Variants in POLR2F observed in about 807,000 individuals in gnomAD.
POLR2F encodes the protein RNA polymerase II, I and III subunit F.
A neutral mutation model predicts 22.7 loss-of-function variants in POLR2F; 12 were observed. The ratio of observed to expected loss-of-function variants is 0.53; its 90% CI spans 0.34 to 0.86. POLR2F has a LOEUF of 0.86. Among genes scored for constraint, POLR2F ranks in the 40% least tolerant of loss-of-function variants. The pLI, the probability that POLR2F is intolerant of heterozygous loss-of-function variation, is 0.02. For synonymous variants in POLR2F, 57 were observed against 66.0 expected (o/e 0.86, Z 0.66); for missense variants, 126 against 171.5 (o/e 0.73, Z 1.48).
chr22:37,956,997 AGCAGAACAGCCCT>A, intron 2 of POLR2F, 155 bp downstream of exon 2: 1 of 694,204 alleles, frequency 1.4e-6, no homozygotes, highest in Admixed American at 2.1e-5. Context: ...AGTCTTGCAT[AGCAGAACAGCCCT>A]GCAGGGTGGG....
At chr22:37,959,248 G>T in intron 2 of POLR2F, 98 bp from the exon 3 acceptor site, 1 of 1,258,574 alleles carries the variant, frequency 7.9e-7, no homozygotes, top group South Asian at 1.3e-5. Flanking sequence ...AGCATTAACG[G>T]TGGCTGTAGC....
chr22:37,972,087 G>T (rs965823335), downstream of POLR2F: 2 of 335,664 alleles, frequency 6.0e-6, no homozygotes, highest in Non-Finnish European at 1.1e-5. Context: ...AGGAGAGGGG[G>T]AGGGGGGAGA....
intron 3 of POLR2F, among the ~76,000 whole-genome samples, chr22:37,959,828 G>C (rs1417266157): frequency 2.1e-5 from 3 of 142,104 alleles, no homozygotes; most frequent in Non-Finnish European, 4.5e-5. Context: ...TTTTGAGATA[G>C]AGTCTCGCTG....
intron 4 of POLR2F, among the ~76,000 whole-genome samples, chr22:37,976,387 C>T (rs900478910): frequency 1.3e-5 from 2 of 152,176 alleles, no homozygotes; most frequent in Non-Finnish European, 2.9e-5. Context: ...TTAATTCACT[C>T]GTTTTCATCC....
intron 1 of POLR2F, among the ~76,000 whole-genome samples, chr22:38,022,650 T>C (rs2084970940): frequency 6.6e-6 from 1 of 152,076 alleles, no homozygotes; most frequent in Admixed American, 6.6e-5. Context: ...TTCTAAGTTA[T>C]ATACATGTTT....
At chr22:37,959,541 A>G in intron 3 of POLR2F, 65 bp downstream of exon 3, 1 of 1,553,216 alleles carries the variant, frequency 6.4e-7, no homozygotes, top group African/African-American at 1.4e-5. Flanking sequence ...TGTACCGCTG[A>G]TCTTTCCCAG....
At chr22:37,966,358 G>A (rs1411902788) in intron 3 of POLR2F, among the ~76,000 whole-genome samples, 1 of 151,828 alleles carries the variant, frequency 6.6e-6, no homozygotes, top group Non-Finnish European at 1.5e-5. Context: ...TGGCCTGATA[G>A]CCAAGGGGAG....
At position 37,967,743 on chromosome 22, in the gene POLR2F, C is replaced by T. The variant is rs1931914618; in HGVS notation, c.*28C>T. The T allele has an allele frequency of 1.1e-5, 18 of 1,595,096 alleles. No individual in the cohort carries two copies. The highest frequency in any genetic ancestry group is 1.5e-5 in the Non-Finnish European group (18 of 1,172,914). On this transcript the variant is annotated 3_prime_UTR_variant, in exon 5 of 5. Coordinates refer to ENST00000442738, the MANE Select transcript of POLR2F (RefSeq NM_021974.5). ...TGGAGTCATCTTCCTGCCCTTGCCCCATGCCCAATTTTCATTCTCACTTTA... is the reference window on the plus strand; with the variant it reads ...TGGAGTCATCTTCCTGCCCTTGCCCTATGCCCAATTTTCATTCTCACTTTA...
chr22:37,995,089 C>T (rs2084700812), intron 1 of POLR2F, among the ~76,000 whole-genome samples: 1 of 152,208 alleles, frequency 6.6e-6, no homozygotes, highest in South Asian at 2.1e-4. Flanking sequence ...GGTCCCAGCT[C>T]CTGCTGTGTG....
intron 5 of POLR2F, among the ~76,000 whole-genome samples, chr22:38,034,596 C>G (rs2085096933): frequency 6.6e-6 from 1 of 152,210 alleles, no homozygotes; most frequent in African/African-American, 2.4e-5. Context: ...AGCGCTGACA[C>G]CAGCCGTGCA....
Position 37,967,080 on chromosome 22 carries a change from C to G in POLR2F, c.222-19C>G, listed in dbSNP as rs1424786274. The G allele has an allele frequency of 1.9e-6, 3 of 1,599,420 alleles. No homozygotes were observed. Among genetic ancestry groups the G allele is most frequent in the Middle Eastern group, 1.7e-4 (1 of 5,730 alleles). ...CCCTGGGTTTGTAGTCTCCCTAACA[C>G]CTGTCCCTATCCCTACAGGATGTGT... On this transcript the variant is annotated intron_variant, in intron 3 of 4. Transcript: ENST00000442738.
chr22:38,018,276 G>A (rs914030993), intron 1 of POLR2F, among the ~76,000 whole-genome samples: 1 of 152,222 alleles, frequency 6.6e-6, no homozygotes, highest in Non-Finnish European at 1.5e-5. Flanking sequence ...TAGGATCAGG[G>A]CTATGTAGGA....
At position 37,969,050 on chromosome 22, in the gene POLR2F, C is replaced by G. The variant is rs1931966440; in HGVS notation, c.*1335C>G. The stretch of plus-strand genomic sequence containing the variant: ...CCCCAGAGTGCGGGGGTCACTTTCT[C>G]GGCCCCATTTCTCTAAATGGTCTCT... On this transcript the variant is annotated 3_prime_UTR_variant, in exon 5 of 5. Coordinates refer to ENST00000442738, the MANE Select transcript of POLR2F (RefSeq NM_021974.5). The G allele has an allele frequency of 2.0e-6, 2 of 985,340 alleles. No homozygotes were observed. Among genetic ancestry groups the G allele is most frequent in the Non-Finnish European group, 2.4e-6 (2 of 829,978 alleles). 61.0% of individuals were successfully genotyped at this position (985,340 alleles called of 1,614,324 possible). A position where few individuals can be genotyped will look rare whatever the true frequency, so the allele number is the denominator to read the frequency against.
intron 5 of POLR2F, among the ~76,000 whole-genome samples, chr22:38,039,752 C>T (rs1054896873): frequency 6.6e-6 from 1 of 152,224 alleles, no homozygotes; most frequent in Non-Finnish European, 1.5e-5. Flanking sequence ...CCCGAGCACC[C>T]GGAACTGGAC....
chr22:37,983,913 C>G (rs1932490629), upstream of POLR2F: 15 of 737,876 alleles, frequency 2.0e-5, no homozygotes, highest in South Asian at 3.0e-5. This position sits in a 1 kb window ranked among gnomAD's most constrained non-coding sequence, Gnocchi z 9.5. Flanking sequence ...CGCGCAGCCC[C>G]GAGGGCGGCC....
At chr22:38,021,692 A>T (rs550976941) in intron 1 of POLR2F, among the ~76,000 whole-genome samples, 3 of 152,072 alleles carry the variant, frequency 2.0e-5, no homozygotes, top group African/African-American at 7.2e-5. Context: ...CCTGGGCTTA[A>T]GTGATCCTCA....
At chr22:37,973,540 G>A (rs372282774), downstream of POLR2F, 3 of 1,611,698 alleles carry the variant, frequency 1.9e-6, no homozygotes, top group Non-Finnish European at 2.5e-6. Flanking sequence ...CCCAGTGTGT[G>A]GGGCTGTGGG....
intron 1 of POLR2F, among the ~76,000 whole-genome samples, chr22:38,021,249 C>T (rs2084958290): frequency 1.3e-5 from 2 of 152,066 alleles, no homozygotes; most frequent in South Asian, 2.1e-4. Flanking sequence ...AGGGACGGTG[C>T]GTATGTGTTG....
chr22:38,020,248 T>TAC (rs1303612607), intron 1 of POLR2F, among the ~76,000 whole-genome samples: 1 of 151,052 alleles, frequency 6.6e-6, no homozygotes, highest in Non-Finnish European at 1.5e-5. Context: ...CATATATATA[T>TAC]ACACATATAT....
Sources: gnomAD v4.1 joint callset for allele counts (sites outside exome capture counted in the v4.1 genomes callset) on GRCh38, gnomAD v4.1.1 for gene constraint, Gnocchi (gnomAD v3.1) non-coding constraint, MANE v1.5 for transcripts, NCBI Gene and HGNC (gene_info 2026-07-23, HGNC 2026-07-21) for gene names.